The following NKAIN3 variants were observed in gnomAD, a reference collection of about 807,000 sequenced individuals.
NKAIN3 encodes sodium/potassium-transporting ATPase subunit beta-1-interacting protein 3.
Under a neutral mutation model 30.2 loss-of-function variants are expected in NKAIN3, and 25 were observed. The observed-to-expected ratio is 0.83, with a 90% CI of 0.60 to 1.16. The LOEUF is 1.16. NKAIN3 is among the 50% of genes most tolerant of loss of function. NKAIN3 has a pLI of 0.00. For synonymous variants in NKAIN3, 91 were observed against 89.6 expected (o/e 1.02, Z -0.09); for missense variants, 225 against 254.1 (o/e 0.89, Z 0.78).
intron 1 of NKAIN3, among the ~76,000 whole-genome samples, chr8:62,425,855 G>A (rs1000100269): frequency 6.6e-6 from 1 of 151,750 alleles, no homozygotes; most frequent in Non-Finnish European, 1.5e-5. Context: ...TCCTCTGCAC[G>A]TTCCATGTCT....
chr8:62,679,876 G>A (rs1351779302), intron 3 of NKAIN3, among the ~76,000 whole-genome samples: 1 of 152,120 alleles, frequency 6.6e-6, no homozygotes, highest in African/African-American at 2.4e-5. Context: ...ACAGATTCAA[G>A]CAATATCACA....
At chr8:62,456,588 T>C (rs1805828272) in intron 1 of NKAIN3, among the ~76,000 whole-genome samples, 1 of 152,094 alleles carries the variant, frequency 6.6e-6, no homozygotes. Context: ...CTGATATGTA[T>C]CTGAAGTCGG....
At chr8:62,394,574 G>T (rs1485877758) in intron 1 of NKAIN3, among the ~76,000 whole-genome samples, 2 of 50,434 alleles carry the variant, frequency 4.0e-5, no homozygotes, top group Non-Finnish European at 1.4e-4. Flanking sequence ...TTCACACTTG[G>T]AGGGTTGCAC....
intron 1 of NKAIN3, among the ~76,000 whole-genome samples, chr8:62,434,081 A>G (rs1423689380): frequency 6.6e-6 from 1 of 152,144 alleles, no homozygotes; most frequent in Non-Finnish European, 1.5e-5. Flanking sequence ...AGCATGCCAA[A>G]GAGAAAACGA....
At chr8:62,670,142 CTTA>C (rs990898459) in intron 3 of NKAIN3, among the ~76,000 whole-genome samples, 5 of 152,094 alleles carry the variant, frequency 3.3e-5, no homozygotes, top group Non-Finnish European at 5.9e-5. Flanking sequence ...AGAATGAATA[CTTA>C]TTATAAAAAA....
chr8:62,814,777 C>T lies in NKAIN3; in HGVS notation c.471+67648C>T, dbSNP rs189392241. ...AGCACTAAATGCCCACAAGAGAAAGCGGGAAAGATCCAAAATTGACACCCT... is the reference window on the plus strand; with the variant it reads ...AGCACTAAATGCCCACAAGAGAAAGTGGGAAAGATCCAAAATTGACACCCT... On this transcript the variant is annotated intron_variant, in intron 4 of 6. Transcript: ENST00000623646. Among the ~76,000 whole-genome samples, 324 of 151,876 alleles carry T rather than the reference C, an allele frequency of 2.1e-3. 6 individuals carry two copies. Among genetic ancestry groups the T allele is most frequent in the Middle Eastern group, 3.4e-3 (1 of 294 alleles).
At chr8:62,635,503 A>G (rs1812099055) in intron 3 of NKAIN3, among the ~76,000 whole-genome samples, 1 of 152,134 alleles carries the variant, frequency 6.6e-6, no homozygotes, top group African/African-American at 2.4e-5. Flanking sequence ...TGCTTAGGAA[A>G]GTGCTATGGT....
intron 3 of NKAIN3, among the ~76,000 whole-genome samples, chr8:62,651,702 G>T (rs1357178739): frequency 1.3e-5 from 2 of 152,142 alleles, no homozygotes; most frequent in Non-Finnish European, 2.9e-5. Flanking sequence ...AATGTTGGAG[G>T]TGGGGGTCTG....
intron 3 of NKAIN3, among the ~76,000 whole-genome samples, chr8:62,743,379 G>T (rs1190598445): frequency 6.6e-6 from 1 of 152,184 alleles, no homozygotes; most frequent in Non-Finnish European, 1.5e-5. Context: ...GGTGTGGAAA[G>T]GGTGTGATAC....
At chr8:62,554,182 T>C (rs1263754127) in intron 1 of NKAIN3, among the ~76,000 whole-genome samples, 1 of 152,228 alleles carries the variant, frequency 6.6e-6, no homozygotes, top group Non-Finnish European at 1.5e-5. Flanking sequence ...GGCCTCATGA[T>C]AGAATAATTT....
chr8:62,990,368 G>GTCTAATATATAAA (rs1260884342), intron 5 of NKAIN3: 63 of 1,250,796 alleles, frequency 5.0e-5, no homozygotes, highest in Non-Finnish European at 6.1e-5. Context: ...TTCTAGTGCA[G>GTCTAATATATAAA]TCTAATATAT....
chr8:62,415,117 A>G (rs906414495), intron 1 of NKAIN3, among the ~76,000 whole-genome samples: 9 of 98,420 alleles, frequency 9.1e-5, no homozygotes, highest in African/African-American at 2.9e-4. Flanking sequence ...TATTATGTAT[A>G]ATATATAATA....
chr8:62,521,487 T>C (rs1808157227), intron 1 of NKAIN3, among the ~76,000 whole-genome samples: 1 of 152,128 alleles, frequency 6.6e-6, no homozygotes, highest in Non-Finnish European at 1.5e-5. Context: ...CCCATGTGTA[T>C]TTCAGAGGGG....
intron 4 of NKAIN3, among the ~76,000 whole-genome samples, chr8:62,757,734 G>A (rs1816502110): frequency 6.6e-6 from 1 of 152,184 alleles, no homozygotes; most frequent in South Asian, 2.1e-4. Flanking sequence ...AAAATAAGAA[G>A]TCAGAGGAAT....
intron 4 of NKAIN3, among the ~76,000 whole-genome samples, chr8:62,808,460 T>A (rs945553814): frequency 6.6e-6 from 1 of 152,308 alleles, no homozygotes; most frequent in African/African-American, 2.4e-5. Flanking sequence ...GCATTCCCTA[T>A]CAGGGGAAAC....
intron 1 of NKAIN3, among the ~76,000 whole-genome samples, chr8:62,270,881 T>G (rs563975715): frequency 6.6e-6 from 1 of 152,304 alleles, no homozygotes; most frequent in African/African-American, 2.4e-5. Context: ...AGAGCAGTAT[T>G]GAAGGGTTGG....
intron 1 of NKAIN3, among the ~76,000 whole-genome samples, chr8:62,343,953 C>T (rs1771233880): frequency 6.6e-6 from 1 of 151,978 alleles, no homozygotes; most frequent in African/African-American, 2.4e-5. Flanking sequence ...TAATTAGTAT[C>T]CAAGTGAAAC....
At chr8:62,677,755 G>A (rs766198168) in intron 3 of NKAIN3, among the ~76,000 whole-genome samples, 15 of 152,064 alleles carry the variant, frequency 9.9e-5, no homozygotes, top group South Asian at 2.1e-4. Context: ...TCTCACTTCC[G>A]CTCTTCTAGG....
chr8:62,346,769 A>G (rs1278136154), intron 1 of NKAIN3, among the ~76,000 whole-genome samples: 4 of 152,122 alleles, frequency 2.6e-5, no homozygotes, highest in Non-Finnish European at 5.9e-5. Context: ...GGTTACTGCA[A>G]ACTATAAGAG....
Sources: allele counts gnomAD v4.1 joint callset (sites outside exome capture counted in the v4.1 genomes callset), GRCh38; gene constraint gnomAD v4.1.1; transcripts MANE v1.5; gene names NCBI Gene and HGNC (gene_info 2026-07-23, HGNC 2026-07-21).